Variants in NEMP1 observed in about 807,000 individuals in gnomAD.
NEMP1 encodes the protein transmembrane protein 194.
In NEMP1, 29 loss-of-function variants were observed where a neutral mutation model predicts 53.7. The observed-to-expected ratio is 0.54, with a 90% CI of 0.40 to 0.74. The LOEUF (loss-of-function observed/expected upper bound fraction) is 0.74, where lower values mean the gene tolerates loss of function less well. Among genes scored for constraint, NEMP1 ranks in the 30% least tolerant of loss-of-function variants. The pLI is 0.00. For synonymous variants in NEMP1, 193 were observed against 192.9 expected (o/e 1.00, Z 0.00); for missense variants, 477 against 528.6 (o/e 0.90, Z 0.96).
chr12:57,063,295 A>G lies in NEMP1; in HGVS notation c.804T>C (p.Tyr268=). 1 of 1,614,238 alleles carries G rather than the reference A, an allele frequency of 6.2e-7. No homozygotes were observed. Residue 268 remains tyrosine, a synonymous_variant, in exon 7 of 9, where the codon TAT becomes TAC. Transcript: ENST00000300128. Reference sequence around the variant, plus strand: ...TACTTCGTTCATTCTCCAAGGGCCCATACTTGTAACATACTGCAAAACTCA... The same window carrying G: ...TACTTCGTTCATTCTCCAAGGGCCCGTACTTGTAACATACTGCAAAACTCA... The part of the protein sequence containing the change: ...GFMSFAVCYK[Y]GPLENERSIN...
In NEMP1 at chr12:57,059,910, G is replaced by A. The variant is rs780714915; in HGVS notation, c.1304C>T (p.Pro435Leu). Residue 435 changes from proline to leucine, a missense_variant, in exon 9 of 9, where the codon CCT becomes CTT. Pro to Leu is a moderately conservative substitution (Grantham distance 98). Coordinates refer to ENST00000300128, the MANE Select transcript of NEMP1 (RefSeq NM_001130963.2). ...TAGAAAGTTGTTCTGTGTGATAGCA[G>A]GACACCGAGAATATGAGTCCTCCTC... ...SEEEDSYSRCPAITQNNFLT is the reference protein window; with the variant it reads ...SEEEDSYSRCLAITQNNFLT The A allele has an allele frequency of 6.2e-7, 1 of 1,613,794 alleles. No homozygotes were observed. The highest frequency in any genetic ancestry group is 1.1e-5 in the South Asian group (1 of 91,028).
At chr12:57,087,027 C>T (rs906989955) in intron 1 of NEMP1, among the ~76,000 whole-genome samples, 1 of 152,240 alleles carries the variant, frequency 6.6e-6, no homozygotes, top group African/African-American at 2.4e-5. Flanking sequence ...GGTTCGCACC[C>T]GGACCCCCGC....
intron 2 of NEMP1, among the ~76,000 whole-genome samples, chr12:57,072,109 A>C (rs771192129): frequency 6.6e-6 from 1 of 152,216 alleles, no homozygotes; most frequent in Non-Finnish European, 1.5e-5. Context: ...GGCACATAAC[A>C]GTTTCCAGCC....
intron 1 of NEMP1, among the ~76,000 whole-genome samples, chr12:57,077,804 C>G (rs1052376522): frequency 6.6e-6 from 1 of 152,078 alleles, no homozygotes; most frequent in Non-Finnish European, 1.5e-5. Flanking sequence ...ATTATTTGGC[C>G]GGTCACGGTG....
intron 6 of NEMP1, 117 bp from the exon 7 acceptor site, chr12:57,063,461 TTTAC>T: frequency 1.3e-6 from 1 of 766,012 alleles, no homozygotes; most frequent in East Asian, 2.7e-5. Flanking sequence ...AAATCAGATT[TTTAC>T]TTAATTTTTC....
chr12:57,078,581 G>A, intron 1 of NEMP1, 38 bp downstream of exon 1: 2 of 1,583,950 alleles, frequency 1.3e-6, no homozygotes, highest in Non-Finnish European at 1.7e-6. Context: ...TAACCCCCTC[G>A]GCACCTGCCC....
chr12:57,063,203 G>A lies in NEMP1; in HGVS notation c.896C>T (p.Pro299Leu). 1 of 1,614,130 alleles carries A rather than the reference G, an allele frequency of 6.2e-7. No individual in the cohort carries two copies. Residue 299 changes from proline (P) to leucine (L), a missense_variant, in exon 7 of 9, where the codon CCA becomes CTA. Physicochemically the swap from Pro to Leu is moderately conservative, Grantham distance 98. Coordinates refer to ENST00000300128, the MANE Select transcript of NEMP1 (RefSeq NM_001130963.2). ...LCFMYSGIQI[P>L]HIALAIIIIA... ...GATGATAATGGCAAGGGCAATATGT[G>A]GTATCTGGATGCCAGAATACATGAA...
intron 5 of NEMP1, 32 bp from the exon 6 acceptor site, chr12:57,064,217 G>T: frequency 7.2e-7 from 1 of 1,391,610 alleles, no homozygotes; most frequent in Non-Finnish European, 9.9e-7. Flanking sequence ...AAAGCAAAAA[G>T]TTACAACAGG....
chr12:57,087,447 T>TG (rs890294009), intron 1 of NEMP1, among the ~76,000 whole-genome samples: 1,193 of 18,190 alleles, frequency 0.066, 14 homozygotes, highest in African/African-American at 0.17. Flanking sequence ...TAACCTGAGG[T>TG]GGGGGGGGAG....
At chr12:57,086,721 C>T (rs1034264718) in intron 1 of NEMP1, among the ~76,000 whole-genome samples, 1 of 152,174 alleles carries the variant, frequency 6.6e-6, no homozygotes, top group Non-Finnish European at 1.5e-5. Context: ...TGGCTGCGGG[C>T]TGCGGGGGCG....
Position 57,059,808 on chromosome 12 carries a change from A to C in NEMP1, c.*71T>G. On this transcript the variant is annotated 3_prime_UTR_variant, in exon 9 of 9. Coordinates refer to ENST00000300128, the MANE Select transcript of NEMP1 (RefSeq NM_001130963.2). ...TCTCACTCTGTTTCAAAGGGTTGAAAGCAATTGCACAACACATGCAACATG... is the reference window on the plus strand; with the variant it reads ...TCTCACTCTGTTTCAAAGGGTTGAACGCAATTGCACAACACATGCAACATG... 1.4e-6 allele frequency: 2 copies of C among 1,385,968 alleles called. No individual in the cohort carries two copies. Among genetic ancestry groups the C allele is most frequent in the Admixed American group, 2.0e-5 (1 of 49,712 alleles). 85.9% of individuals were successfully genotyped at this position (1,385,968 alleles called of 1,614,324 possible). A position where few individuals can be genotyped will look rare whatever the true frequency, so the allele number is the denominator to read the frequency against.
chr12:57,062,090 A>T lies in NEMP1; in HGVS notation c.980+1029T>A, dbSNP rs544542816. 2.4e-4 allele frequency among the ~76,000 whole-genome samples: 36 copies of T among 152,348 alleles called. No individual in the cohort carries two copies. In the South Asian group the frequency reaches 6.2e-3, roughly 26 times the overall value. On this transcript the variant is annotated intron_variant, in intron 7 of 8. Coordinates refer to ENST00000300128, the MANE Select transcript of NEMP1 (RefSeq NM_001130963.2). ...ATAGACAACTTCAGGACCTAGTAAC[A>T]TTCCATATTTATTATGCAAGGTGAC...
chr12:57,079,645 CT>C (rs1005612418), upstream of NEMP1, among the ~76,000 whole-genome samples: 6 of 151,654 alleles, frequency 4.0e-5, no homozygotes, highest in Non-Finnish European at 5.9e-5. Context: ...GAAATTGAAA[CT>C]TTTTTTTTAA....
At chr12:57,078,308 C>T (rs900799535) in intron 1 of NEMP1, among the ~76,000 whole-genome samples, 2 of 152,092 alleles carry the variant, frequency 1.3e-5, no homozygotes, top group African/African-American at 4.8e-5. Context: ...AACCAAGAAA[C>T]TCAAGGCTTC....
At chr12:57,082,703 C>A (rs896784467), upstream of NEMP1, among the ~76,000 whole-genome samples, 5 of 152,086 alleles carry the variant, frequency 3.3e-5, no homozygotes, top group South Asian at 4.2e-4. Context: ...CAGAGTAAGA[C>A]CTTGTTGCTA....
At chr12:57,075,170 A>C (rs1403436530) in intron 1 of NEMP1, among the ~76,000 whole-genome samples, 1 of 151,664 alleles carries the variant, frequency 6.6e-6, no homozygotes, top group Non-Finnish European at 1.5e-5. Context: ...GTGGATCACC[A>C]GGTCAGCAGA....
Position 57,058,305 on chromosome 12 carries a change from T to C in NEMP1, c.*1574A>G, listed in dbSNP as rs1249119354. ...GGCCTTTCAAAATTACCACGCTAAA[T>C]GGCTGGTCTAAAGGAGTCATTACGG... On this transcript the variant is annotated 3_prime_UTR_variant, in exon 9 of 9. Coordinates refer to ENST00000300128, the MANE Select transcript of NEMP1 (RefSeq NM_001130963.2). The C allele has an allele frequency of 1.3e-5, 2 of 152,200 alleles. No individual in the cohort carries two copies. Among genetic ancestry groups the C allele is most frequent in the African/African-American group, 4.8e-5 (2 of 41,448 alleles). The allele number at this position is 152,200 out of a possible 1,614,324, so 9.4% of individuals were successfully genotyped here. A position where few individuals can be genotyped will look rare whatever the true frequency, so the allele number is the denominator to read the frequency against.
intron 2 of NEMP1, 91 bp downstream of exon 2, chr12:57,072,697 C>G: frequency 1.5e-6 from 2 of 1,345,918 alleles, no homozygotes; most frequent in Non-Finnish European, 2.0e-6. Flanking sequence ...TTTTTTTAAG[C>G]ATGTGAAGGG....
chr12:57,066,021 G>C (rs1049182410), intron 4 of NEMP1, among the ~76,000 whole-genome samples: 1 of 152,026 alleles, frequency 6.6e-6, no homozygotes, highest in African/African-American at 2.4e-5. Context: ...TTGGGAGGCT[G>C]AGATGGGAGG....
Sources: gnomAD v4.1 joint callset for allele counts (sites outside exome capture counted in the v4.1 genomes callset) on GRCh38, gnomAD v4.1.1 for gene constraint, MANE v1.5 for transcripts, NCBI Gene and HGNC (gene_info 2026-07-23, HGNC 2026-07-21) for gene names.